The following MEI4 variants were observed in gnomAD, a reference collection of about 807,000 sequenced individuals.
The protein encoded by MEI4 is meiosis-specific protein MEI4.
MEI4 carries 27 observed loss-of-function variants against 31.4 expected under a neutral mutation model. The ratio of observed to expected loss-of-function variants is 0.86; its 90% confidence interval spans 0.63 to 1.19. The LOEUF (loss-of-function observed/expected upper bound fraction) is 1.19, where lower values mean the gene tolerates loss of function less well. MEI4 is among the 50% of genes most tolerant of loss of function. The pLI is 0.00. For synonymous variants in MEI4, 122 were observed against 145.4 expected (o/e 0.84, Z 1.16); for missense variants, 329 against 398.9 (o/e 0.82, Z 1.49).
chr6:77,733,911 G>A (rs1168937079), intron 2 of MEI4, among the ~76,000 whole-genome samples: 1 of 152,040 alleles, frequency 6.6e-6, no homozygotes, highest in African/African-American at 2.4e-5. Context: ...GGAGCATGTT[G>A]TTCAGTTTCC....
At chr6:77,666,882 TGC>T (rs1554208068) in intron 1 of MEI4, among the ~76,000 whole-genome samples, 5 of 133,896 alleles carry the variant, frequency 3.7e-5, no homozygotes, top group Admixed American at 2.2e-4. Context: ...TGTGTGTGTG[TGC>T]GTGCGTGCGT....
At chr6:77,815,885 C>A (rs1769677143) in intron 3 of MEI4, among the ~76,000 whole-genome samples, 1 of 147,240 alleles carries the variant, frequency 6.8e-6, no homozygotes, top group Admixed American at 6.8e-5. Context: ...AATCCTTAGA[C>A]CAAGAAAAAA....
At chr6:77,689,075 G>A (rs1479513673) in intron 1 of MEI4, among the ~76,000 whole-genome samples, 1 of 151,922 alleles carries the variant, frequency 6.6e-6, no homozygotes, top group Non-Finnish European at 1.5e-5. Context: ...AATTATAATT[G>A]ATATATGTTA....
At chr6:77,796,599 G>A (rs1769082644) in intron 3 of MEI4, among the ~76,000 whole-genome samples, 1 of 152,062 alleles carries the variant, frequency 6.6e-6, no homozygotes, top group Admixed American at 6.6e-5. Context: ...CATCAAGGAA[G>A]CAATCCCATT....
intron 1 of MEI4, among the ~76,000 whole-genome samples, chr6:77,672,957 C>G (rs1382733526): frequency 6.6e-6 from 1 of 152,182 alleles, no homozygotes. Flanking sequence ...GCAGGTAAGA[C>G]AGATACAAGG....
intron 2 of MEI4, among the ~76,000 whole-genome samples, chr6:77,702,676 T>G (rs1280578634): frequency 2.0e-5 from 3 of 152,194 alleles, no homozygotes; most frequent in African/African-American, 2.4e-5. Flanking sequence ...TCAAGTCATC[T>G]TATTTAATTT....
intron 3 of MEI4, among the ~76,000 whole-genome samples, chr6:77,803,688 T>C (rs1288822358): frequency 6.6e-6 from 1 of 152,172 alleles, no homozygotes; most frequent in Non-Finnish European, 1.5e-5. Context: ...TTTCCTTCTG[T>C]CATTCAGGAC....
intron 2 of MEI4, among the ~76,000 whole-genome samples, chr6:77,711,640 CT>C (rs1207182510): frequency 6.6e-6 from 1 of 152,178 alleles, no homozygotes; most frequent in Non-Finnish European, 1.5e-5. Context: ...TGGGTTTGGA[CT>C]TGGGCTCTTC....
chr6:77,792,698 A>T (rs1768969578), intron 3 of MEI4, among the ~76,000 whole-genome samples: 1 of 150,764 alleles, frequency 6.6e-6, no homozygotes, highest in Non-Finnish European at 1.5e-5. Context: ...GCATGTGGAT[A>T]TCCAGTTTTC....
intron 2 of MEI4, among the ~76,000 whole-genome samples, chr6:77,707,810 G>A (rs1316244390): frequency 3.9e-5 from 6 of 152,210 alleles, no homozygotes; most frequent in African/African-American, 1.4e-4. Flanking sequence ...TACAGCTCAG[G>A]CTGCTGCTCT....
intron 2 of MEI4, among the ~76,000 whole-genome samples, chr6:77,752,236 C>T (rs984985603): frequency 3.3e-5 from 5 of 152,154 alleles, no homozygotes; most frequent in Non-Finnish European, 7.4e-5. Flanking sequence ...TCTCACTACT[C>T]CCATTCAAGA....
intron 4 of MEI4, among the ~76,000 whole-genome samples, chr6:77,920,388 A>G (rs1353901249): frequency 6.6e-6 from 1 of 152,010 alleles, no homozygotes; most frequent in Admixed American, 6.6e-5. Context: ...AACAGAGCCA[A>G]AGACAAAAAC....
At chr6:77,695,261 A>C (rs1011738569) in intron 2 of MEI4, among the ~76,000 whole-genome samples, 4 of 151,932 alleles carry the variant, frequency 2.6e-5, no homozygotes, top group Non-Finnish European at 4.4e-5. Flanking sequence ...GAAGCTCTTT[A>C]GTTGAATTAG....
At chr6:77,888,184 T>C (rs1771669674) in intron 4 of MEI4, among the ~76,000 whole-genome samples, 1 of 152,150 alleles carries the variant, frequency 6.6e-6, no homozygotes, top group South Asian at 2.1e-4. Context: ...ATGCAGCCTA[T>C]AGTTTGGTCA....
Position 77,688,902 on chromosome 6 carries a change from G to C in MEI4, c.-14-1756G>C, listed in dbSNP as rs544475406. ...CTATCGCTGATGACAGATGGAGGAT[G>C]ATCCAGGGAGTGAAATGGTTGTTGA... On this transcript the variant is annotated intron_variant, in intron 1 of 4. Transcript: ENST00000684080. Among the ~76,000 whole-genome samples the C allele has an allele frequency of 2.0e-5, 3 of 152,156 alleles. No individual in the cohort carries two copies. The East Asian group carries it at 5.8e-4, about 29-fold the overall frequency.
chr6:77,924,107 TA>T lies in MEI4; in HGVS notation c.*762del, dbSNP rs1340898254. 6.6e-6 allele frequency: 1 copy of T among 151,832 alleles called. No individual in the cohort carries two copies. Among genetic ancestry groups the T allele is most frequent in the Non-Finnish European group, 1.5e-5 (1 of 67,850 alleles). 9.4% of individuals were successfully genotyped at this position (151,832 alleles called of 1,614,324 possible). A position where few individuals can be genotyped will look rare whatever the true frequency, so the allele number is the denominator to read the frequency against. On this transcript the variant is annotated 3_prime_UTR_variant, in exon 5 of 5. Transcript: ENST00000684080. Reference sequence around the variant, plus strand: ...CTAATATCCATCTAAAAGTGAAATTTATAGTTATTTGGTGGAATTTTTCAGT... The same window carrying T: ...CTAATATCCATCTAAAAGTGAAATTTTAGTTATTTGGTGGAATTTTTCAGT...
intron 4 of MEI4, among the ~76,000 whole-genome samples, chr6:77,894,028 TTTA>T (rs1228383483): frequency 3.9e-5 from 6 of 152,124 alleles, no homozygotes; most frequent in South Asian, 2.1e-4. Context: ...ATGTTTACTG[TTTA>T]TTAAGTGGAA....
intron 4 of MEI4, among the ~76,000 whole-genome samples, chr6:77,874,888 G>A (rs545973400): frequency 6.6e-6 from 1 of 152,174 alleles, no homozygotes; most frequent in African/African-American, 2.4e-5. Context: ...CTTTGGTTCT[G>A]TTTATATGCT....
Position 77,876,820 on chromosome 6 carries a change from A to G in MEI4, c.901-46269A>G, listed in dbSNP as rs181676920. On this transcript the variant is annotated intron_variant, in intron 4 of 4. Transcript: ENST00000684080. ...AATGACTTACAAAAATATGAGGCAA[A>G]GTACCATAGTAACTCCAATGACAAA... 6.6e-5 allele frequency among the ~76,000 whole-genome samples: 10 copies of G among 152,300 alleles called. No homozygotes were observed. The East Asian group carries it at 1.7e-3, about 26-fold the overall frequency.
Sources: gnomAD v4.1 joint callset for allele counts (sites outside exome capture counted in the v4.1 genomes callset) on GRCh38, gnomAD v4.1.1 for gene constraint, MANE v1.5 for transcripts, NCBI Gene and HGNC (gene_info 2026-07-23, HGNC 2026-07-21) for gene names.